The following SND1 variants were observed in gnomAD, a reference collection of about 807,000 sequenced individuals.
The protein encoded by SND1 is staphylococcal nuclease domain-containing protein 1.
A neutral mutation model predicts 121.7 loss-of-function variants in SND1; 38 were observed. The observed-to-expected ratio is 0.31, with a 90% CI of 0.24 to 0.41. The LOEUF (loss-of-function observed/expected upper bound fraction) is 0.41, where lower values mean the gene tolerates loss of function less well. Ranked by LOEUF, SND1 falls within the 10% of genes least tolerant of loss-of-function variation. The pLI is 1.00. For missense variants in SND1, 868 were observed against 1,184.6 expected, an observed-to-expected ratio of 0.73 and a Z score of 3.92; for synonymous variants, 401 against 447.4, an observed-to-expected ratio of 0.90 and a Z score of 1.31.
At chr7:127,845,456 G>A (rs543950792) in intron 12 of SND1, among the ~76,000 whole-genome samples, 13 of 152,316 alleles carry the variant, frequency 8.5e-5, no homozygotes, top group Non-Finnish European at 7.4e-5. Flanking sequence ...TTACCTTCAC[G>A]CCATCACAGG....
intron 13 of SND1, among the ~76,000 whole-genome samples, chr7:127,897,564 A>G (rs1394535317): frequency 3.3e-5 from 5 of 152,144 alleles, no homozygotes; most frequent in Admixed American, 6.6e-5. Flanking sequence ...TTATCCACCA[A>G]TAGAGTCCAC....
At chr7:127,979,927 A>G (rs1278882783) in intron 15 of SND1, among the ~76,000 whole-genome samples, 1 of 152,160 alleles carries the variant, frequency 6.6e-6, no homozygotes, top group African/African-American at 2.4e-5. Context: ...GCTTTAGAGT[A>G]TGGTAACTAA....
intron 11 of SND1, 117 bp downstream of exon 11, chr7:127,807,690 A>G: frequency 1.3e-6 from 1 of 769,954 alleles, no homozygotes; most frequent in South Asian, 1.5e-5. Flanking sequence ...CATCAAGTCA[A>G]ATGGAATTAC....
intron 15 of SND1, among the ~76,000 whole-genome samples, chr7:127,982,725 T>C (rs115069858): frequency 6.1e-4 from 93 of 152,364 alleles, no homozygotes; most frequent in African/African-American, 2.0e-3. Context: ...TGTGGAAATA[T>C]ACGCCCTAAG....
chr7:127,675,663 G>C, intron 1 of SND1, among the ~76,000 whole-genome samples: 1 of 152,118 alleles, frequency 6.6e-6, no homozygotes, highest in East Asian at 1.9e-4. Flanking sequence ...CCATTTGATA[G>C]AGGAGAAGGT....
At chr7:128,046,360 GT>G (rs1792947082) in intron 16 of SND1, among the ~76,000 whole-genome samples, 1 of 135,976 alleles carries the variant, frequency 7.4e-6, no homozygotes, top group Non-Finnish European at 1.6e-5. Context: ...TTTGGTTGTT[GT>G]TGTGTTTTTT....
At chr7:128,044,272 G>A (rs1792908182) in intron 16 of SND1, among the ~76,000 whole-genome samples, 1 of 152,212 alleles carries the variant, frequency 6.6e-6, no homozygotes, top group Non-Finnish European at 1.5e-5. Context: ...TGTGGTCAAG[G>A]AGCTTTGCAG....
intron 7 of SND1, among the ~76,000 whole-genome samples, chr7:127,703,960 A>C (rs1000549392): frequency 6.6e-6 from 1 of 152,230 alleles, no homozygotes; most frequent in Non-Finnish European, 1.5e-5. Context: ...TCTAGAAGTC[A>C]GCTAGCTGAA....
chr7:127,652,586 C>T (rs1257516675), intron 1 of SND1, 135 bp downstream of exon 1: 2 of 724,704 alleles, frequency 2.8e-6, no homozygotes, highest in Non-Finnish European at 4.5e-6. Context: ...TTCGTCGATT[C>T]TCCGAATCCT....
At chr7:127,806,764 A>G (rs1798245611) in intron 10 of SND1, among the ~76,000 whole-genome samples, 1 of 152,186 alleles carries the variant, frequency 6.6e-6, no homozygotes. Flanking sequence ...GTTTGAGACC[A>G]GCCTAGCCAA....
chr7:127,885,281 A>T (rs1053549334), intron 12 of SND1, among the ~76,000 whole-genome samples: 1 of 152,130 alleles, frequency 6.6e-6, no homozygotes, highest in Non-Finnish European at 1.5e-5. Flanking sequence ...CCAAGAAGAG[A>T]ACACATGTGA....
intron 11 of SND1, among the ~76,000 whole-genome samples, chr7:127,810,826 T>C (rs1017944843): frequency 1.3e-5 from 2 of 152,236 alleles, no homozygotes; most frequent in African/African-American, 4.8e-5. Context: ...TTTTTTAAAA[T>C]GACATATGAG....
At chr7:128,023,897 C>G (rs995198637) in intron 16 of SND1, among the ~76,000 whole-genome samples, 6 of 152,082 alleles carry the variant, frequency 3.9e-5, no homozygotes, top group African/African-American at 1.4e-4. Context: ...AATTTCAATT[C>G]TCACAATCTG....
intron 11 of SND1, among the ~76,000 whole-genome samples, chr7:127,821,331 C>CA (rs1316894223): frequency 6.6e-6 from 1 of 151,898 alleles, no homozygotes; most frequent in African/African-American, 2.4e-5. Flanking sequence ...TTTCAGTTAG[C>CA]AAAAAAATAC....
At chr7:127,858,193 C>T (rs1165555191) in intron 12 of SND1, 2 of 789,326 alleles carry the variant, frequency 2.5e-6, no homozygotes, top group African/African-American at 3.4e-5. Context: ...CCTTCAGCCG[C>T]ATGGCCAACT....
chr7:128,054,078 C>T (rs983796755), intron 16 of SND1, among the ~76,000 whole-genome samples: 1 of 152,248 alleles, frequency 6.6e-6, no homozygotes, highest in African/African-American at 2.4e-5. Context: ...AGTAAGTCAT[C>T]GGCAGTACCC....
At chr7:127,679,486 T>C (rs1795673479) in intron 1 of SND1, among the ~76,000 whole-genome samples, 1 of 152,194 alleles carries the variant, frequency 6.6e-6, no homozygotes, top group African/African-American at 2.4e-5. Context: ...ACTTTTAAAG[T>C]ATATAATTCA....
intron 10 of SND1, among the ~76,000 whole-genome samples, chr7:127,760,050 G>T (rs772467676): frequency 1.3e-5 from 2 of 152,074 alleles, no homozygotes; most frequent in Non-Finnish European, 2.9e-5. Context: ...ACCTGGCTTG[G>T]TTTCGGACTC....
intron 13 of SND1, among the ~76,000 whole-genome samples, chr7:127,903,563 C>T (rs1800276374): frequency 1.3e-5 from 2 of 152,170 alleles, no homozygotes; most frequent in South Asian, 2.1e-4. Context: ...GTGAGGGACA[C>T]ATCCCCTGGG....
Sources: allele counts gnomAD v4.1 joint callset (sites outside exome capture counted in the v4.1 genomes callset), GRCh38; gene constraint gnomAD v4.1.1; transcripts MANE v1.5; gene names NCBI Gene and HGNC (gene_info 2026-07-23, HGNC 2026-07-21).